PSMD14: variants seen among roughly 807,000 people sequenced by gnomAD.
PSMD14 encodes proteasome 26S subunit, non-ATPase 14.
A neutral mutation model predicts 41.2 loss-of-function variants in PSMD14; 7 were observed. The ratio of observed to expected loss-of-function variants is 0.17; its 90% confidence interval spans 0.10 to 0.32. PSMD14 has a LOEUF of 0.32. Ranked by LOEUF, PSMD14 falls within the 10% of genes least tolerant of loss-of-function variation. The pLI is 1.00. For synonymous variants in PSMD14, 114 were observed against 122.3 expected (o/e 0.93, Z 0.45); for missense variants, 139 against 375.6 (o/e 0.37, Z 5.21).
chr2:161,389,307 A>G (rs1469615215), intron 8 of PSMD14, among the ~76,000 whole-genome samples: 2 of 152,188 alleles, frequency 1.3e-5, no homozygotes, highest in African/African-American at 4.8e-5. Context: ...TTCCAGCTCA[A>G]GCTCCACTCT....
chr2:161,379,297 T>G (rs960831421), intron 7 of PSMD14, among the ~76,000 whole-genome samples: 3 of 152,038 alleles, frequency 2.0e-5, no homozygotes, highest in African/African-American at 4.8e-5. Flanking sequence ...TTATTAGTAG[T>G]GCCCTGAGGA....
intron 8 of PSMD14, among the ~76,000 whole-genome samples, chr2:161,387,681 C>T (rs1683652030): frequency 6.6e-6 from 1 of 151,782 alleles, no homozygotes; most frequent in Non-Finnish European, 1.5e-5. Context: ...ATAGATGGTG[C>T]CTATATATTT....
At chr2:161,309,316 C>G (rs891555370) in intron 1 of PSMD14, among the ~76,000 whole-genome samples, 4 of 151,972 alleles carry the variant, frequency 2.6e-5, no homozygotes, top group African/African-American at 9.7e-5. Flanking sequence ...ACTTTTGAGT[C>G]TATAAACCTA....
intron 7 of PSMD14, among the ~76,000 whole-genome samples, chr2:161,375,941 A>G (rs1380892933): frequency 6.6e-6 from 1 of 151,790 alleles, no homozygotes; most frequent in African/African-American, 2.4e-5. Context: ...TCAGATATCT[A>G]GAAGGTCGTG....
At chr2:161,342,334 T>A (rs140992526) in intron 3 of PSMD14, among the ~76,000 whole-genome samples, 4 of 126,502 alleles carry the variant, frequency 3.2e-5, no homozygotes, top group Non-Finnish European at 5.4e-5. Context: ...TTGTTGAGAC[T>A]TTTTTTTTTT....
chr2:161,312,718 T>TA (rs1275611399), intron 1 of PSMD14, among the ~76,000 whole-genome samples: 2 of 152,250 alleles, frequency 1.3e-5, no homozygotes, highest in African/African-American at 4.8e-5. Flanking sequence ...TTGATAGCTG[T>TA]AAAAACTTGG....
chr2:161,394,988 G>T lies in PSMD14; in HGVS notation c.646-90G>T, dbSNP rs1183397789. ...AAAGTTAAATCCATTAAGTCGAAAT[G>T]TTTTTTTTTTTTTGAAGTTTTTTTT... On this transcript the variant is annotated intron_variant, in intron 9 of 11. Coordinates refer to ENST00000409682, the MANE Select transcript of PSMD14 (RefSeq NM_005805.6). 839 of 850,852 alleles carry T rather than the reference G, an allele frequency of 9.9e-4. 5 individuals are homozygous for T. The highest frequency in any genetic ancestry group is 8.6e-5 in the Non-Finnish European group (52 of 603,986). The allele number at this position is 850,852 out of a possible 1,614,324, so 52.7% of individuals were successfully genotyped here. A position where few individuals can be genotyped will look rare whatever the true frequency, so the allele number is the denominator to read the frequency against.
chr2:161,361,807 C>G (rs1683292599), intron 3 of PSMD14, among the ~76,000 whole-genome samples: 1 of 152,084 alleles, frequency 6.6e-6, no homozygotes, highest in Non-Finnish European at 1.5e-5. Flanking sequence ...AAATTTTGCT[C>G]AGTCTTTTTG....
chr2:161,389,797 G>C (rs1683682088), intron 8 of PSMD14, among the ~76,000 whole-genome samples: 2 of 150,412 alleles, frequency 1.3e-5, no homozygotes, highest in Non-Finnish European at 3.0e-5. Context: ...TATGGAATCA[G>C]AATGACCTAG....
At chr2:161,314,884 T>C (rs1274441865) in intron 1 of PSMD14, among the ~76,000 whole-genome samples, 1 of 152,200 alleles carries the variant, frequency 6.6e-6, no homozygotes, top group Non-Finnish European at 1.5e-5. Flanking sequence ...TACATGAACT[T>C]ATTTTGAGTA....
At chr2:161,364,326 T>C (rs1170410604) in intron 3 of PSMD14, among the ~76,000 whole-genome samples, 2 of 152,158 alleles carry the variant, frequency 1.3e-5, no homozygotes, top group Non-Finnish European at 2.9e-5. Context: ...TCCAGCCACT[T>C]GTGTCTTTGC....
At chr2:161,390,401 G>A (rs191402511) in intron 8 of PSMD14, among the ~76,000 whole-genome samples, 20 of 152,240 alleles carry the variant, frequency 1.3e-4, no homozygotes. Flanking sequence ...AACACTTGAT[G>A]TTGTCAGAGT....
chr2:161,407,949 G>T (rs186177953), intron 10 of PSMD14: 1 of 151,874 alleles, frequency 6.6e-6, no homozygotes, highest in Non-Finnish European at 1.5e-5. Context: ...GATTTCTTAC[G>T]TGTGAAATTC....
chr2:161,411,361 G>A lies in PSMD14; in HGVS notation c.894G>A (p.Gln298=). Residue 298 remains glutamine (Q), a synonymous_variant, in exon 12 of 12, where the codon CAG becomes CAA. Transcript: ENST00000409682. ...VDVLMTSNIV[Q]CLAAMLDTVV... ...TACTTATGACCTCAAATATTGTCCA[G>A]TGTTTAGCAGCTATGTTGGATACTG... 1.2e-6 allele frequency: 2 copies of A among 1,610,332 alleles called. No individual in the cohort carries two copies. The highest frequency in any genetic ancestry group is 1.7e-6 in the Non-Finnish European group (2 of 1,177,958).
chr2:161,395,222 A>AT lies in PSMD14; in HGVS notation c.771+22dup. ...CAATAAGGTAAAAGTTACTTCTGCC[A>AT]TTTCTTCTTTATAATCTTTGGAATA... On this transcript the variant is annotated intron_variant, in intron 10 of 11. Transcript: ENST00000409682. 1.3e-6 allele frequency: 2 copies of AT among 1,550,292 alleles called. No homozygotes were observed. The highest frequency in any genetic ancestry group is 1.2e-5 in the South Asian group (1 of 82,418).
At chr2:161,381,778 G>A (rs1683573762) in intron 7 of PSMD14, 1 of 151,830 alleles carries the variant, frequency 6.6e-6, no homozygotes, top group African/African-American at 2.4e-5. Flanking sequence ...GGCATGCTTG[G>A]AATAAATACG....
chr2:161,331,000 C>T (rs1312257859), intron 3 of PSMD14, among the ~76,000 whole-genome samples: 1 of 152,052 alleles, frequency 6.6e-6, no homozygotes, highest in African/African-American at 2.4e-5. Context: ...ATGACAAAAC[C>T]TAGTTTTTGA....
At chr2:161,320,658 A>T (rs1682561569) in intron 3 of PSMD14, among the ~76,000 whole-genome samples, 1 of 152,054 alleles carries the variant, frequency 6.6e-6, no homozygotes, top group African/African-American at 2.4e-5. Flanking sequence ...TTATGATGTT[A>T]CTTTTGTAAC....
intron 3 of PSMD14, among the ~76,000 whole-genome samples, chr2:161,326,982 G>C (rs192776156): frequency 2.6e-5 from 4 of 152,134 alleles, no homozygotes; most frequent in South Asian, 2.1e-4. Context: ...CTGTGGATGA[G>C]AAACCTGTTG....
Sources: gnomAD v4.1 joint callset for allele counts (sites outside exome capture counted in the v4.1 genomes callset) on GRCh38, gnomAD v4.1.1 for gene constraint, MANE v1.5 for transcripts, NCBI Gene and HGNC (gene_info 2026-07-23, HGNC 2026-07-21) for gene names.